Variants in EFCAB5 observed in about 807,000 individuals in gnomAD.
EFCAB5 encodes the protein EF-hand calcium-binding domain-containing protein 5.
EFCAB5 carries 131 observed loss-of-function variants against 167.9 expected under a neutral mutation model. The observed-to-expected ratio is 0.78, with a 90% CI of 0.68 to 0.90. The LOEUF (loss-of-function observed/expected upper bound fraction) is 0.90. EFCAB5 is among the 40% of genes least tolerant of loss of function. EFCAB5 has a pLI of 0.00. For synonymous variants in EFCAB5, 574 were observed against 602.8 expected, an observed-to-expected ratio of 0.95 and a Z score of 0.70; for missense variants, 1,663 against 1,745.2, an observed-to-expected ratio of 0.95 and a Z score of 0.84.
intron 20 of EFCAB5, among the ~76,000 whole-genome samples, chr17:30,090,910 G>C (rs1460466121): frequency 2.6e-5 from 4 of 152,144 alleles, no homozygotes; most frequent in Non-Finnish European, 5.9e-5. Context: ...GAGCTGGAAG[G>C]GCTCATAAAG....
intron 18 of EFCAB5, among the ~76,000 whole-genome samples, chr17:30,084,835 A>G (rs2071056527): frequency 6.6e-6 from 1 of 152,128 alleles, no homozygotes; most frequent in Non-Finnish European, 1.5e-5. Flanking sequence ...GCAGAAGTAG[A>G]GTGCAACTGG....
chr17:29,961,632 G>A (rs540732280), intron 3 of EFCAB5, among the ~76,000 whole-genome samples: 8 of 151,978 alleles, frequency 5.3e-5, no homozygotes, highest in Non-Finnish European at 1.2e-4. Context: ...TGTTGCCCAG[G>A]GTAGAGTGCA....
chr17:30,057,627 C>T (rs760413703), intron 12 of EFCAB5, 49 bp from the exon 13 acceptor site: 4 of 1,519,864 alleles, frequency 2.6e-6, no homozygotes, highest in Non-Finnish European at 3.6e-6. Flanking sequence ...TTTTCCCTAA[C>T]TGAAAAAATT....
chr17:30,086,925 A>G (rs1026061503), intron 18 of EFCAB5, 138 bp from the exon 19 acceptor site: 2 of 642,188 alleles, frequency 3.1e-6, no homozygotes, highest in African/African-American at 1.9e-5. Flanking sequence ...CTCTAATGGT[A>G]CTAAGTAAAA....
At position 30,041,790 on chromosome 17, in the gene EFCAB5, C is replaced by A. The variant is rs527989565; in HGVS notation, c.1200+7405C>A. ...AGCACACACCCACCTTCAGCAACCACAACCCTAATCAGTCAGTAGCCAACA... is the reference window on the plus strand; with the variant it reads ...AGCACACACCCACCTTCAGCAACCAAAACCCTAATCAGTCAGTAGCCAACA... On this transcript the variant is annotated intron_variant, in intron 8 of 22. Coordinates refer to ENST00000394835, the MANE Select transcript of EFCAB5 (RefSeq NM_198529.4). Among the ~76,000 whole-genome samples the A allele has an allele frequency of 1.3e-3, 200 of 152,334 alleles. 2 individuals carry two copies. Among genetic ancestry groups the A allele is most frequent in the Non-Finnish European group, 5.4e-4 (37 of 68,042 alleles).
chr17:29,933,897 T>C (rs543735700), intron 1 of EFCAB5, among the ~76,000 whole-genome samples: 1 of 152,150 alleles, frequency 6.6e-6, no homozygotes, highest in Middle Eastern at 3.4e-3. Flanking sequence ...TCCATAGAAA[T>C]AGTATTTGTA....
intron 4 of EFCAB5, among the ~76,000 whole-genome samples, chr17:29,977,675 T>C (rs1361331118): frequency 6.6e-6 from 1 of 152,166 alleles, no homozygotes; most frequent in Non-Finnish European, 1.5e-5. Context: ...TGATGGAACA[T>C]TTAATCCATA....
At chr17:29,944,593 G>GTTGTTGTTTTT (rs1297121554) in intron 3 of EFCAB5, among the ~76,000 whole-genome samples, 3 of 145,340 alleles carry the variant, frequency 2.1e-5, no homozygotes, top group African/African-American at 2.5e-5. Context: ...TTTGGGTTTT[G>GTTGTTGTTTTT]TTGTTGTTTT....
chr17:29,985,721 T>A (rs1238731878), intron 4 of EFCAB5, among the ~76,000 whole-genome samples: 1 of 152,166 alleles, frequency 6.6e-6, no homozygotes, highest in Non-Finnish European at 1.5e-5. Flanking sequence ...ACGCCTTAGG[T>A]GGTTTTCCAC....
At chr17:30,105,439 A>G (rs981952332) in intron 22 of EFCAB5, among the ~76,000 whole-genome samples, 1 of 152,176 alleles carries the variant, frequency 6.6e-6, no homozygotes, top group African/African-American at 2.4e-5. Context: ...GTGAGCCCAC[A>G]AGGTGCCACT....
chr17:29,936,784 C>A (rs757783342), upstream of EFCAB5, among the ~76,000 whole-genome samples: 5 of 152,214 alleles, frequency 3.3e-5, no homozygotes, highest in Non-Finnish European at 7.3e-5. Context: ...TCCTCGGATA[C>A]AATCAGCATA....
At chr17:30,024,712 G>A (rs1246895898) in intron 7 of EFCAB5, among the ~76,000 whole-genome samples, 1 of 151,828 alleles carries the variant, frequency 6.6e-6, no homozygotes, top group African/African-American at 2.4e-5. Context: ...CCAAAAAAGA[G>A]CCCGCATCGC....
At chr17:29,994,853 C>A (rs1055950936) in intron 5 of EFCAB5, among the ~76,000 whole-genome samples, 41 of 152,296 alleles carry the variant, frequency 2.7e-4, no homozygotes, top group South Asian at 6.2e-4. Context: ...AGTGATGATA[C>A]CAGCCATTTA....
chr17:30,067,120 AG>A (rs1377184686), intron 14 of EFCAB5, among the ~76,000 whole-genome samples: 1 of 152,222 alleles, frequency 6.6e-6, no homozygotes, highest in African/African-American at 2.4e-5. Context: ...AAACTCTTTT[AG>A]AAAATTGAAG....
intron 10 of EFCAB5, 49 bp downstream of exon 10, chr17:30,054,197 GT>G: frequency 6.8e-7 from 1 of 1,462,226 alleles, no homozygotes. Context: ...TTGTGGAATG[GT>G]TTTTAAAGTC....
At chr17:30,015,752 G>T (rs2069020772) in intron 7 of EFCAB5, among the ~76,000 whole-genome samples, 1 of 144,578 alleles carries the variant, frequency 6.9e-6, no homozygotes, top group African/African-American at 2.6e-5. Context: ...GTTCTTATTG[G>T]TTATTTCTTT....
chr17:29,968,190 G>A (rs1339483634), intron 3 of EFCAB5, among the ~76,000 whole-genome samples: 3 of 151,992 alleles, frequency 2.0e-5, no homozygotes. Context: ...CTACCTTTTT[G>A]CCTGCCAACT....
At chr17:30,009,443 A>G (rs2151676168) in intron 7 of EFCAB5, among the ~76,000 whole-genome samples, 1 of 152,264 alleles carries the variant, frequency 6.6e-6, no homozygotes, top group East Asian at 1.9e-4. Flanking sequence ...CTGTCTCCAT[A>G]GCTTTGTCTA....
chr17:29,960,078 C>A (rs2151556580), intron 3 of EFCAB5, among the ~76,000 whole-genome samples: 1 of 152,316 alleles, frequency 6.6e-6, no homozygotes, highest in East Asian at 1.9e-4. Context: ...CAGCTGAATT[C>A]TACCCCATGT....
Sources: allele counts gnomAD v4.1 joint callset (sites outside exome capture counted in the v4.1 genomes callset), GRCh38; gene constraint gnomAD v4.1.1; transcripts MANE v1.5; gene names NCBI Gene and HGNC (gene_info 2026-07-23, HGNC 2026-07-21).